TMC6: variants seen among roughly 807,000 people sequenced by gnomAD.
TMC6 encodes the protein transmembrane channel like 6.
A neutral mutation model predicts 95.4 loss-of-function variants in TMC6; 71 were observed. The ratio of observed to expected loss-of-function variants is 0.74; its 90% CI spans 0.61 to 0.91. The LOEUF (loss-of-function observed/expected upper bound fraction) is 0.91. Ranked by LOEUF, TMC6 falls within the 40% of genes least tolerant of loss-of-function variation. The pLI is 0.00. For missense variants in TMC6, 1,074 were observed against 1,079.1 expected (o/e 1.00, Z 0.07); for synonymous variants, 514 against 483.1 (o/e 1.06, Z -0.84).
chr17:78,113,410 G>A (rs573123071), intron 19 of TMC6, 138 bp downstream of exon 19: 179 of 1,252,710 alleles, frequency 1.4e-4, no homozygotes, highest in Non-Finnish European at 1.9e-4. Context: ...TGGGCGCCGG[G>A]GGGGAGATTT....
At chr17:78,118,101 G>T in intron 15 of TMC6, 166 bp from the exon 16 acceptor site, 1 of 1,273,764 alleles carries the variant, frequency 7.9e-7, no homozygotes, top group South Asian at 1.4e-5. Flanking sequence ...GAAGCCTGCC[G>T]GTCACTTGCA....
Position 78,127,171 on chromosome 17 carries a change from C to T in TMC6, c.-74-265G>A, listed in dbSNP as rs1451020211. On this transcript the variant is annotated intron_variant, in intron 1 of 19. Transcript: ENST00000590602. The stretch of plus-strand genomic sequence containing the variant: ...AGTTCCACATCTGTTTCCTCGATGT[C>T]GCCAGTCCCTGGGAAATGGGGAAGA... Among the ~76,000 whole-genome samples the T allele has an allele frequency of 3.3e-5, 5 of 152,162 alleles. No homozygotes were observed. The East Asian group carries it at 5.8e-4, about 18-fold the overall frequency.
chr17:78,123,266 G>GC (rs2074503110), intron 9 of TMC6: 3 of 263,464 alleles, frequency 1.1e-5, no homozygotes, highest in South Asian at 8.1e-5. Flanking sequence ...GAGACAGCAA[G>GC]CCCCCCTAGG....
chr17:78,113,087 T>C lies in TMC6; in HGVS notation c.*61A>G. Reference sequence around the variant, plus strand: ...TGTCCTGGTGTCCCAGCAGGGTCACTGGGAGGCAACAGTGTGGTCTCAGGG... The same window carrying C: ...TGTCCTGGTGTCCCAGCAGGGTCACCGGGAGGCAACAGTGTGGTCTCAGGG... On this transcript the variant is annotated 3_prime_UTR_variant, in exon 20 of 20. Transcript: ENST00000590602. 1 of 1,536,270 alleles carries C rather than the reference T, an allele frequency of 6.5e-7. No individual in the cohort carries two copies. The highest frequency in any genetic ancestry group is 8.8e-7 in the Non-Finnish European group (1 of 1,134,250).
rs575763428 is a variant in TMC6, at chr17:78,109,638, G to T, written c.*3510C>A. On this transcript the variant is annotated 3_prime_UTR_variant, in exon 20 of 20. Transcript: ENST00000590602. ...AGAAAGACCCCATCTCAAAAAAGCA[G>T]AAGCACATTTCCGAAGCCCCCCAAG... 2.3e-6 allele frequency: 1 copy of T among 443,442 alleles called. No individual in the cohort carries two copies. The highest frequency in any genetic ancestry group is 2.0e-5 in the African/African-American group (1 of 49,826). 27.5% of individuals were successfully genotyped at this position (443,442 alleles called of 1,614,324 possible). A position where few individuals can be genotyped will look rare whatever the true frequency, so the allele number is the denominator to read the frequency against.
intron 1 of TMC6, 191 bp from the exon 2 acceptor site, chr17:78,127,097 C>T (rs2074758128): frequency 3.4e-6 from 2 of 589,482 alleles, no homozygotes; most frequent in Middle Eastern, 4.6e-4. Flanking sequence ...TGGGGGGCCC[C>T]CTCCAGTGTC....
At chr17:78,124,334 C>T (rs1598865667) in intron 8 of TMC6, 155 bp from the exon 9 acceptor site, 1 of 1,331,218 alleles carries the variant, frequency 7.5e-7, no homozygotes, top group Non-Finnish European at 1.0e-6. Context: ...GGGCCTCCAG[C>T]CCCATGGGAA....
At chr17:78,130,709 AG>A (rs2074941541), upstream of TMC6, 1 of 152,230 alleles carries the variant, frequency 6.6e-6, no homozygotes, top group South Asian at 2.1e-4. Context: ...ATGGGGTGAG[AG>A]GGGAGGAGGG....
rs1248348904 is a variant in TMC6, at chr17:78,121,460, G to A, written c.1383+96C>T. 3 of 1,576,564 alleles carry A rather than the reference G, an allele frequency of 1.9e-6. No individual in the cohort carries two copies. The African/African-American group carries it at 4.0e-5, about 21-fold the overall frequency. The stretch of plus-strand genomic sequence containing the variant: ...CGTGGCACCCTGGGCTGGCTGGGTG[G>A]AGGAGGAGAGGCAAGGCTGCCTCCC... On this transcript the variant is annotated intron_variant, in intron 11 of 19. Transcript: ENST00000590602. The surrounding 1 kb of genome is among the most constrained non-coding windows in gnomAD (Gnocchi z 5.6).
At chr17:78,118,200 C>T in intron 15 of TMC6, 1 of 572,446 alleles carries the variant, frequency 1.7e-6, no homozygotes, top group Non-Finnish European at 3.1e-6. Flanking sequence ...CACCACCTCC[C>T]TCAGTCCCCA....
upstream of TMC6, chr17:78,131,793 C>T (rs1284711058): frequency 4.6e-6 from 7 of 1,537,400 alleles, no homozygotes; most frequent in African/African-American, 1.4e-5. Flanking sequence ...GAGGCTGCCC[C>T]GTCGGATGGT....
At position 78,121,091 on chromosome 17, in the gene TMC6, GC is replaced by G; in HGVS notation, c.1456del (p.Ala486ProfsTer69). Reference protein sequence around the residue: ...PLVVGLLNLGAPYLCRVLAAL... With the variant: ...PLVVGLLNLGXPYLCRVLAAL... ...GGCCAGGACACGGCACAGGTAGGGG[GC>G]CCCCAGGTTGAGGAGGCCAACCACC... On this transcript the variant is annotated frameshift_variant, in exon 12 of 20. Coordinates refer to ENST00000590602, the MANE Select transcript of TMC6 (RefSeq NM_001127198.5). LOFTEE classifies it high-confidence loss of function. This position sits in a 1 kb window ranked among gnomAD's most constrained non-coding sequence, Gnocchi z 5.6. 5 of 1,612,780 alleles carry G rather than the reference GC, an allele frequency of 3.1e-6. No individual in the cohort carries two copies. Among genetic ancestry groups the G allele is most frequent in the Non-Finnish European group, 4.2e-6 (5 of 1,179,844 alleles).
At chr17:78,114,785 C>G (rs554172733) in intron 18 of TMC6, among the ~76,000 whole-genome samples, 7 of 152,336 alleles carry the variant, frequency 4.6e-5, no homozygotes, top group African/African-American at 1.4e-4. Context: ...GGGCTGTGCA[C>G]TTGAGCCATG....
At chr17:78,124,432 G>T (rs1342755801) in intron 8 of TMC6, 92 bp downstream of exon 8, 3 of 1,574,638 alleles carry the variant, frequency 1.9e-6, no homozygotes, top group Non-Finnish European at 2.6e-6. Context: ...CAAGGGTTGG[G>T]GGCCCCAGGG....
In TMC6 at chr17:78,124,912, G is replaced by C. The variant is rs139654750; in HGVS notation, c.610C>G (p.Arg204Gly). 1.9e-6 allele frequency: 3 copies of C among 1,597,706 alleles called. No individual in the cohort carries two copies. In the African/African-American group the frequency reaches 4.0e-5, roughly 21 times the overall value. Residue 204 changes from arginine (R) to glycine (G), a missense_variant, in exon 7 of 20, where the codon CGG becomes GGG. Coordinates refer to ENST00000590602, the MANE Select transcript of TMC6 (RefSeq NM_001127198.5). ...GSGGVCSCCGRLRYACVLALH... is the reference protein window; with the variant it reads ...GSGGVCSCCGGLRYACVLALH... ...ACCAGCACGCAGGCATATCTGAGCC[G>C]GCCACAGCAGGAGCAGACCCCGCCG...
chr17:78,117,674 C>A (rs765053839), intron 16 of TMC6, 30 bp from the exon 17 acceptor site: 69 of 1,556,216 alleles, frequency 4.4e-5, no homozygotes, highest in Non-Finnish European at 5.4e-5. Flanking sequence ...GGAACCCTCA[C>A]CCCGAGCAAC....
intron 1 of TMC6, 28 bp from the exon 2 acceptor site, chr17:78,126,934 G>C: frequency 2.1e-6 from 3 of 1,404,026 alleles, no homozygotes; most frequent in Non-Finnish European, 3.0e-6. Flanking sequence ...CAGAGCCAGG[G>C]GTGGTCTTCA....
Position 78,122,532 on chromosome 17 carries a change from T to G in TMC6, c.1227+73A>C, listed in dbSNP as rs2074465876. 1.3e-6 allele frequency: 2 copies of G among 1,587,612 alleles called. No individual in the cohort carries two copies. Among genetic ancestry groups the G allele is most frequent in the Non-Finnish European group, 1.7e-6 (2 of 1,172,312 alleles). On this transcript the variant is annotated intron_variant, in intron 10 of 19. Coordinates refer to ENST00000590602, the MANE Select transcript of TMC6 (RefSeq NM_001127198.5). This position sits in a 1 kb window ranked among gnomAD's most constrained non-coding sequence, Gnocchi z 4.9. Reference sequence around the variant, plus strand: ...CCTCTAGACCATGGTTCTGGTCACATGGTCCTAAGTGGACCCAGGGCCAGG... The same window carrying G: ...CCTCTAGACCATGGTTCTGGTCACAGGGTCCTAAGTGGACCCAGGGCCAGG...
In TMC6 at chr17:78,113,186, C is replaced by G. The variant is rs112660101; in HGVS notation, c.2380G>C (p.Ala794Pro). The G allele has an allele frequency of 8.2e-5, 128 of 1,557,834 alleles. No homozygotes were observed. The African/African-American group carries it at 1.5e-3, about 18-fold the overall frequency. The change falls in exon 20 of 20, where the codon GCA becomes CCA. Residue 794 changes from alanine (A) to proline (P), a missense_variant. Ala to Pro is a conservative substitution (Grantham distance 27). Coordinates refer to ENST00000590602, the MANE Select transcript of TMC6 (RefSeq NM_001127198.5). Reference sequence around the variant, plus strand: ...TCATCTGTGAGCAGGGCAGGGGGTGCCGCAGCCTCCTCGGTTGTCCCAACC... The same window carrying G: ...TCATCTGTGAGCAGGGCAGGGGGTGGCGCAGCCTCCTCGGTTGTCCCAACC... ...SRVGTTEEAA[A>P]PPALLTDEQD...
Sources: gnomAD v4.1 joint callset for allele counts (sites outside exome capture counted in the v4.1 genomes callset) on GRCh38, gnomAD v4.1.1 for gene constraint, Gnocchi (gnomAD v3.1) non-coding constraint, MANE v1.5 for transcripts, NCBI Gene and HGNC (gene_info 2026-07-23, HGNC 2026-07-21) for gene names.